The following CACNA1C variants were observed in gnomAD, a reference collection of about 807,000 sequenced individuals.
The protein encoded by CACNA1C is voltage-dependent L-type calcium channel subunit alpha-1C.
Under a neutral mutation model 229.0 loss-of-function variants are expected in CACNA1C, and 30 were observed. The ratio of observed to expected loss-of-function variants is 0.13; its 90% CI spans 0.10 to 0.18. CACNA1C has a LOEUF of 0.18. CACNA1C is among the 10% of genes least tolerant of loss of function. CACNA1C has a pLI of 1.00. For synonymous variants in CACNA1C, 1,114 were observed against 1,132.5 expected (o/e 0.98, Z 0.33); for missense variants, 1,658 against 2,845.0 (o/e 0.58, Z 9.49).
rs750363492 is a variant in CACNA1C, at chr12:2,139,120, A to G, written c.477+18690A>G. On this transcript the variant is annotated intron_variant, in intron 3 of 46. Transcript: ENST00000399655. ...TCCAGAGGCCAGAGTTTCAAAGTCC[A>G]GGTGTTAGTAGCATTGGTTCCTCTG... 1.3e-4 allele frequency among the ~76,000 whole-genome samples: 20 copies of G among 151,188 alleles called. 1 individual carries two copies. Among genetic ancestry groups the G allele is most frequent in the Non-Finnish European group, 2.8e-4 (19 of 67,624 alleles).
chr12:2,203,564 T>A (rs1178841139), intron 3 of CACNA1C, among the ~76,000 whole-genome samples: 1 of 152,212 alleles, frequency 6.6e-6, no homozygotes, highest in East Asian at 1.9e-4. Flanking sequence ...GTCAGGATTC[T>A]GGAGGTGGCT....
At chr12:2,183,707 C>T (rs1598382451) in intron 3 of CACNA1C, among the ~76,000 whole-genome samples, 1 of 152,248 alleles carries the variant, frequency 6.6e-6, no homozygotes, top group Non-Finnish European at 1.5e-5. Context: ...GCCCCAGGGC[C>T]AGCCCTGCTC....
intron 1 of CACNA1C, among the ~76,000 whole-genome samples, chr12:2,016,778 T>C (rs2045460755): frequency 2.0e-5 from 3 of 152,328 alleles, no homozygotes; most frequent in South Asian, 4.1e-4. Context: ...GCAATCTGGG[T>C]CACCAAAATC....
intron 9 of CACNA1C, among the ~76,000 whole-genome samples, chr12:2,535,418 G>C (rs1282340260): frequency 6.6e-6 from 1 of 151,252 alleles, no homozygotes; most frequent in Non-Finnish European, 1.5e-5. Flanking sequence ...GCAGCCAGAG[G>C]CCCGGCATGG....
At chr12:2,570,307 A>C (rs1472614435) in intron 13 of CACNA1C, among the ~76,000 whole-genome samples, 1 of 152,156 alleles carries the variant, frequency 6.6e-6, no homozygotes, top group Non-Finnish European at 1.5e-5. Flanking sequence ...AGCTGATGGC[A>C]TCTTGCTCAG....
Position 2,691,288 on chromosome 12 carries a change from G to C in CACNA1C, c.*89G>C. On this transcript the variant is annotated 3_prime_UTR_variant, in exon 47 of 47. Coordinates refer to ENST00000399655, the MANE Select transcript of CACNA1C (RefSeq NM_000719.7). ...AAGTGCCTCACTGTTCTCGTGACCT[G>C]GAGTTAACCGGAACAGCGTCTTCAT... 15 of 1,253,162 alleles carry C rather than the reference G, an allele frequency of 1.2e-5. No homozygotes were observed. The highest frequency in any genetic ancestry group is 1.6e-5 in the Non-Finnish European group (15 of 938,708). 77.6% of individuals were successfully genotyped at this position (1,253,162 alleles called of 1,614,324 possible). A position where few individuals can be genotyped will look rare whatever the true frequency, so the allele number is the denominator to read the frequency against.
At chr12:2,016,214 T>C (rs908086908) in intron 1 of CACNA1C, among the ~76,000 whole-genome samples, 1 of 152,192 alleles carries the variant, frequency 6.6e-6, no homozygotes, top group African/African-American at 2.4e-5. Context: ...TTGACAAACA[T>C]TTCCTGAGTG....
Position 2,053,342 on chromosome 12 carries a change from A to G in CACNA1C, c.-221A>G, listed in dbSNP as rs2052878231. The G allele has an allele frequency of 7.6e-7, 1 of 1,310,018 alleles. No individual in the cohort carries two copies. The highest frequency in any genetic ancestry group is 9.7e-7 in the Non-Finnish European group (1 of 1,028,010). The allele number at this position is 1,310,018 out of a possible 1,614,324, so 81.1% of individuals were successfully genotyped here. A position where few individuals can be genotyped will look rare whatever the true frequency, so the allele number is the denominator to read the frequency against. On this transcript the variant is annotated 5_prime_UTR_variant, in exon 1 of 47. Transcript: ENST00000399655. The surrounding 1 kb of genome is among the most constrained non-coding windows in gnomAD (Gnocchi z 5.8). ...TGAGGATGCGTTACAGTTTCACTCG[A>G]GGAGGCAGTAGTGGAAAGGAGCAGT...
rs1283637524 is a variant in CACNA1C, at chr12:2,689,931, G to C, written c.6118-969G>C. On this transcript the variant is annotated intron_variant, in intron 46 of 46. Transcript: ENST00000399655. The surrounding 1 kb of genome is among the most constrained non-coding windows in gnomAD (Gnocchi z 4.2). ...AGGGCAAGGAGAGAATGAGTGGCGT[G>C]GGCAAGGAGCAAGACAAACAGATGC... 1 of 152,356 alleles carries C rather than the reference G, an allele frequency of 6.6e-6. No homozygotes were observed. Among genetic ancestry groups the C allele is most frequent in the Non-Finnish European group, 1.5e-5 (1 of 68,168 alleles). 9.4% of individuals were successfully genotyped at this position (152,356 alleles called of 1,614,324 possible).
intron 3 of CACNA1C, among the ~76,000 whole-genome samples, chr12:2,212,688 G>A (rs948957546): frequency 2.6e-5 from 4 of 152,158 alleles, no homozygotes; most frequent in Non-Finnish European, 1.5e-5. Context: ...GATTGAGTCA[G>A]TTGCCCCTTC....
chr12:2,491,313 CTATA>C (rs2099728724), intron 6 of CACNA1C, among the ~76,000 whole-genome samples: 1 of 151,996 alleles, frequency 6.6e-6, no homozygotes, highest in Non-Finnish European at 1.5e-5. Context: ...GGCTGCATGA[CTATA>C]TAAACTTACT....
intron 3 of CACNA1C, among the ~76,000 whole-genome samples, chr12:2,240,775 C>G (rs1164587976): frequency 6.6e-6 from 1 of 152,096 alleles, no homozygotes; most frequent in Non-Finnish European, 1.5e-5. Context: ...TTCCACCTCT[C>G]TTTTGGCCAT....
intron 3 of CACNA1C, among the ~76,000 whole-genome samples, chr12:2,183,991 G>A (rs1407662168): frequency 1.3e-5 from 2 of 152,180 alleles, no homozygotes; most frequent in African/African-American, 4.8e-5. Context: ...TGCAGGAGAG[G>A]GCCAGCCTCT....
intron 3 of CACNA1C, among the ~76,000 whole-genome samples, chr12:2,159,350 C>CCAGGCA (rs2095715012): frequency 6.6e-6 from 1 of 151,980 alleles, no homozygotes; most frequent in Non-Finnish European, 1.5e-5. Context: ...CAAAAATTAG[C>CCAGGCA]TGGGTGTGGT....
intron 1 of CACNA1C, among the ~76,000 whole-genome samples, chr12:2,002,208 C>T (rs143415866): frequency 1.8e-4 from 27 of 152,292 alleles, no homozygotes; most frequent in African/African-American, 6.3e-4. Context: ...CTTAAGATCC[C>T]CCCTGCCTTC....
rs1338279581 is a variant in CACNA1C at position 2,682,624 on chromosome 12, A to C, written c.5519A>C (p.Lys1840Thr). Residue 1840 changes from lysine to threonine, a missense_variant, in exon 43 of 47, where the codon AAG becomes ACG. Lys to Thr is a moderately conservative substitution (Grantham distance 78). Around this residue, in one of 20 missense-constraint regions of CACNA1C, gnomAD observed 590 missense variants for 700.8 expected, o/e 0.84. Transcript: ENST00000399655. ...TCTCAGGATGAGACCTATGAAGTGAAGATGAACCATGACACGGAGGCCTGC... is the reference window on the plus strand; with the variant it reads ...TCTCAGGATGAGACCTATGAAGTGACGATGAACCATGACACGGAGGCCTGC... ...ETSQDETYEV[K>T]MNHDTEACSE... 2 of 1,612,556 alleles carry C rather than the reference A, an allele frequency of 1.2e-6. No homozygotes were observed. The highest frequency in any genetic ancestry group is 1.7e-6 in the Non-Finnish European group (2 of 1,179,620).
intron 37 of CACNA1C, chr12:2,668,568 AT>A (rs1216135457): frequency 1.3e-5 from 3 of 238,090 alleles, no homozygotes; most frequent in Middle Eastern, 1.4e-3. Context: ...TGGCACTAGC[AT>A]TCTGCTTCTG....
At chr12:2,154,095 A>C (rs2095429577) in intron 3 of CACNA1C, among the ~76,000 whole-genome samples, 2 of 152,142 alleles carry the variant, frequency 1.3e-5, no homozygotes, top group Admixed American at 6.5e-5. Flanking sequence ...TCCTGTATGA[A>C]ATTCAACAAC....
chr12:2,543,431 G>A (rs962175096), intron 9 of CACNA1C, among the ~76,000 whole-genome samples: 1 of 152,224 alleles, frequency 6.6e-6, no homozygotes, highest in Non-Finnish European at 1.5e-5. Context: ...CAGCATTCAT[G>A]ATTCTAAACT....
Sources: allele counts gnomAD v4.1 joint callset (sites outside exome capture counted in the v4.1 genomes callset), GRCh38; gene constraint gnomAD v4.1.1; regional missense constraint gnomAD v4.1.1; non-coding constraint Gnocchi (gnomAD v3.1); transcripts MANE v1.5; gene names NCBI Gene and HGNC (gene_info 2026-07-23, HGNC 2026-07-21).